The following SEC63 variants were observed in gnomAD, a reference collection of about 807,000 sequenced individuals.
The protein encoded by SEC63 is SEC63 protein translocation regulator.
In SEC63, 56 loss-of-function variants were observed where a neutral mutation model predicts 116.2. The observed-to-expected ratio is 0.48, with a 90% confidence interval of 0.39 to 0.60. The LOEUF (loss-of-function observed/expected upper bound fraction) is 0.60. SEC63 is among the 20% of genes least tolerant of loss of function. The pLI is 0.00. For synonymous variants in SEC63, 273 were observed against 294.6 expected (o/e 0.93, Z 0.75); for missense variants, 668 against 900.0 (o/e 0.74, Z 3.30).
At chr6:107,894,583 G>A (rs762589917) in intron 14 of SEC63, among the ~76,000 whole-genome samples, 2 of 152,044 alleles carry the variant, frequency 1.3e-5, no homozygotes, top group Non-Finnish European at 2.9e-5. Context: ...TTTAGAATCA[G>A]TACAGAACCA....
At chr6:107,933,225 A>G (rs894848312) in intron 1 of SEC63, among the ~76,000 whole-genome samples, 1 of 152,218 alleles carries the variant, frequency 6.6e-6, no homozygotes, top group African/African-American at 2.4e-5. Flanking sequence ...ATTCTACCCT[A>G]GAGCCTCCAG....
chr6:107,957,794 C>T (rs1295833438), intron 1 of SEC63, 92 bp downstream of exon 1: 1 of 1,288,302 alleles, frequency 7.8e-7, no homozygotes, highest in Non-Finnish European at 9.9e-7. Context: ...TCCCGGACGC[C>T]GCGGGCTGGG....
rs1786075187 is a variant in SEC63 at position 107,869,476 on chromosome 6, AG to A, written c.*2227del. 6.6e-6 allele frequency: 1 copy of A among 152,208 alleles called. No homozygotes were observed. Among genetic ancestry groups the A allele is most frequent in the Non-Finnish European group, 1.5e-5 (1 of 68,038 alleles). 9.4% of individuals were successfully genotyped at this position (152,208 alleles called of 1,614,324 possible). A position where few individuals can be genotyped will look rare whatever the true frequency, so the allele number is the denominator to read the frequency against. ...GCTCATCAATTGTTGACAAAATGTC[AG>A]TTTCTTTATAGGAAGAAAATTGAAA... On this transcript the variant is annotated 3_prime_UTR_variant, in exon 21 of 21. Coordinates refer to ENST00000369002, the MANE Select transcript of SEC63 (RefSeq NM_007214.5).
intron 1 of SEC63, among the ~76,000 whole-genome samples, chr6:107,944,226 A>G (rs1770435828): frequency 6.6e-6 from 1 of 152,228 alleles, no homozygotes; most frequent in Admixed American, 6.5e-5. Flanking sequence ...TTTCCTGAAC[A>G]GCTGAAAAGA....
chr6:107,935,554 G>A (rs1223023241), intron 1 of SEC63, among the ~76,000 whole-genome samples: 1 of 146,756 alleles, frequency 6.8e-6, no homozygotes, highest in Non-Finnish European at 1.5e-5. Context: ...ATTAAGGGTG[G>A]TGCAAGATGT....
intron 1 of SEC63, among the ~76,000 whole-genome samples, chr6:107,932,603 A>C (rs2114492689): frequency 6.6e-6 from 1 of 152,334 alleles, no homozygotes; most frequent in East Asian, 1.9e-4. Flanking sequence ...ACTGTCAAGA[A>C]AAAGGAGTGA....
At chr6:107,894,557 C>T (rs1452903569) in intron 14 of SEC63, among the ~76,000 whole-genome samples, 2 of 152,052 alleles carry the variant, frequency 1.3e-5, no homozygotes, top group African/African-American at 4.8e-5. Context: ...GCTATATCCA[C>T]CAACCATACA....
intron 7 of SEC63, 39 bp downstream of exon 7, chr6:107,911,307 T>C: frequency 1.4e-6 from 2 of 1,403,694 alleles, no homozygotes; most frequent in Middle Eastern, 3.6e-4. Flanking sequence ...GTCAATCTCC[T>C]TTCCAAAAAA....
At chr6:107,886,538 T>C (rs1053566460) in intron 16 of SEC63, among the ~76,000 whole-genome samples, 2 of 152,250 alleles carry the variant, frequency 1.3e-5, no homozygotes, top group African/African-American at 4.8e-5. Flanking sequence ...GACTTTTTAA[T>C]GACTGCTGTT....
At chr6:107,956,342 C>T (rs1770710721) in intron 1 of SEC63, among the ~76,000 whole-genome samples, 1 of 152,082 alleles carries the variant, frequency 6.6e-6, no homozygotes, top group Non-Finnish European at 1.5e-5. Context: ...AAAAGTGTAC[C>T]CTTTTAACTT....
chr6:107,937,079 TC>T, intron 1 of SEC63, among the ~76,000 whole-genome samples: 1 of 152,302 alleles, frequency 6.6e-6, no homozygotes, highest in South Asian at 2.1e-4. Flanking sequence ...GACATTTCAT[TC>T]TTTTTAATGG....
intron 7 of SEC63, chr6:107,909,299 G>A: frequency 2.6e-6 from 1 of 387,554 alleles, no homozygotes; most frequent in East Asian, 6.0e-5. Flanking sequence ...GATTGCTAGA[G>A]TCCAGGAGGT....
At chr6:107,900,703 T>C (rs145799925) in intron 13 of SEC63, among the ~76,000 whole-genome samples, 71 of 152,282 alleles carry the variant, frequency 4.7e-4, no homozygotes, top group African/African-American at 1.7e-3. Flanking sequence ...AATATATCCC[T>C]GTATTCTTGG....
rs1786060570 is a variant in SEC63, at chr6:107,868,914, G to C, written c.*2790C>G. 1 of 152,168 alleles carries C rather than the reference G, an allele frequency of 6.6e-6. No individual in the cohort carries two copies. The highest frequency in any genetic ancestry group is 1.5e-5 in the Non-Finnish European group (1 of 68,026). 9.4% of individuals were successfully genotyped at this position (152,168 alleles called of 1,614,324 possible). ...ATTTGAAATAAGAATTGTGACTACA[G>C]AACACTCTAGTATATGGTTTGGATT... On this transcript the variant is annotated 3_prime_UTR_variant, in exon 21 of 21. Transcript: ENST00000369002.
chr6:107,872,641 CTTAAGT>C (rs961652843), intron 20 of SEC63, among the ~76,000 whole-genome samples, 161 bp downstream of exon 20: 1 of 152,010 alleles, frequency 6.6e-6, no homozygotes, highest in African/African-American at 2.4e-5. Flanking sequence ...AACCTAAAAC[CTTAAGT>C]TTATTATTGA....
intron 1 of SEC63, among the ~76,000 whole-genome samples, chr6:107,952,744 C>T (rs982244839): frequency 6.6e-6 from 1 of 151,884 alleles, no homozygotes; most frequent in South Asian, 2.1e-4. Flanking sequence ...GGCAACAGAG[C>T]GAGACTTCAT....
At chr6:107,886,033 G>T (rs189967420) in intron 16 of SEC63, among the ~76,000 whole-genome samples, 1 of 151,970 alleles carries the variant, frequency 6.6e-6, no homozygotes, top group African/African-American at 2.4e-5. Flanking sequence ...GACATGCCCC[G>T]GTGTGTGATG....
intron 1 of SEC63, among the ~76,000 whole-genome samples, chr6:107,942,738 GTT>G (rs1770404277): frequency 1.3e-5 from 2 of 152,124 alleles, no homozygotes; most frequent in Non-Finnish European, 1.5e-5. Context: ...AACATACACA[GTT>G]GATTAACACA....
At chr6:107,901,117 T>G (rs1226486929) in intron 13 of SEC63, among the ~76,000 whole-genome samples, 1 of 152,214 alleles carries the variant, frequency 6.6e-6, no homozygotes, top group Non-Finnish European at 1.5e-5. Context: ...TGCTAAAAGT[T>G]GAACTACAGA....
Sources: gnomAD v4.1 joint callset for allele counts (sites outside exome capture counted in the v4.1 genomes callset) on GRCh38, gnomAD v4.1.1 for gene constraint, MANE v1.5 for transcripts, NCBI Gene and HGNC (gene_info 2026-07-23, HGNC 2026-07-21) for gene names.